The following KRT5 variants were observed in gnomAD, a reference collection of about 807,000 sequenced individuals.
The protein encoded by KRT5 is keratin 5.
Under a neutral mutation model 44.0 loss-of-function variants are expected in KRT5, and 17 were observed. The observed-to-expected ratio is 0.39, with a 90% CI of 0.26 to 0.58. KRT5 has a LOEUF of 0.58. Ranked by LOEUF, KRT5 falls within the 20% of genes least tolerant of loss-of-function variation. The pLI is 0.61. For synonymous variants in KRT5, 329 were observed against 312.8 expected (o/e 1.05, Z -0.55); for missense variants, 737 against 785.5 (o/e 0.94, Z 0.74).
Position 52,520,081 on chromosome 12 carries a change from C to T in KRT5, c.216G>A (p.Lys72=), listed in dbSNP as rs141631999. The T allele has an allele frequency of 3.8e-5, 62 of 1,614,164 alleles. No homozygotes were observed. In the African/African-American group the frequency reaches 7.5e-4, roughly 19 times the overall value. The change falls in exon 1 of 9, where the codon AAG becomes AAA. Residue 72 remains lysine (K), a synonymous_variant. Transcript: ENST00000252242. ...SRSLYNLGGS[K]RISISTSGGS... Reference sequence around the variant, plus strand: ...CACCACTAGTGCTGATGGATATCCTCTTGGAGCCCCCCAGGTTGTAGAGGC... The same window carrying T: ...CACCACTAGTGCTGATGGATATCCTTTTGGAGCCCCCCAGGTTGTAGAGGC...
At chr12:52,515,519 G>A (rs1319904545) in intron 8 of KRT5, 33 of 620,510 alleles carry the variant, frequency 5.3e-5, no homozygotes, top group Non-Finnish European at 9.1e-5. Context: ...GGAGGAGCTA[G>A]GTACTGGGGG....
rs1938645550 is a variant in KRT5, at chr12:52,518,138, T to C, written c.796A>G (p.Thr266Ala). The C allele has an allele frequency of 6.2e-7, 1 of 1,614,244 alleles. No homozygotes were observed. Among genetic ancestry groups the C allele is most frequent in the Non-Finnish European group, 8.5e-7 (1 of 1,180,038 alleles). ...NKYEDEINKRTTAENEFVMLK... is the reference protein window; with the variant it reads ...NKYEDEINKRATAENEFVMLK... ...ATCACAAACTCATTCTCAGCAGTGG[T>C]ACGCTTGTTGATTTCATCCTCATAC... Residue 266 changes from threonine to alanine, a missense_variant, in exon 3 of 9, where the codon ACC becomes GCC. Coordinates refer to ENST00000252242, the MANE Select transcript of KRT5 (RefSeq NM_000424.4).
At position 52,514,979 on chromosome 12, in the gene KRT5, G is replaced by T. The variant is rs781707438; in HGVS notation, c.1736C>A (p.Ser579Tyr). 76 of 1,613,408 alleles carry T rather than the reference G, an allele frequency of 4.7e-5. No homozygotes were observed. Among genetic ancestry groups the T allele is most frequent in the Non-Finnish European group, 5.7e-5 (67 of 1,179,962 alleles). Residue 579 changes from serine (S) to tyrosine (Y), a missense_variant, in exon 9 of 9, where the codon TCC becomes TAC. Ser to Tyr is a moderately radical substitution (Grantham distance 144). Around this residue, in one of 5 missense-constraint regions of KRT5, gnomAD observed 344 missense variants for 351.6 expected, o/e 0.98. Coordinates refer to ENST00000252242, the MANE Select transcript of KRT5 (RefSeq NM_000424.4). Reference sequence around the variant, plus strand: ...GCTCTTCCGGGAGGAGGAGGTGGTGGAGACAAATTTGACGCTGGAGCTGCT... The same window carrying T: ...GCTCTTCCGGGAGGAGGAGGTGGTGTAGACAAATTTGACGCTGGAGCTGCT... ...GGSSSSVKFV[S>Y]TTSSSRKSFK...
intron 6 of KRT5, 106 bp from the exon 7 acceptor site, chr12:52,516,963 AG>A (rs1938621565): frequency 6.6e-7 from 1 of 1,514,322 alleles, no homozygotes. Context: ...GAGAGAAACC[AG>A]TACATCGTGG....
Position 52,517,111 on chromosome 12 carries a change from T to G in KRT5, c.1214A>C (p.Lys405Thr). The G allele has an allele frequency of 6.2e-7, 1 of 1,614,184 alleles. No individual in the cohort carries two copies. Among genetic ancestry groups the G allele is most frequent in the Non-Finnish European group, 8.5e-7 (1 of 1,180,028 alleles). ...RLRAEIDNVK[K>T]QCANLQNAIA... The stretch of plus-strand genomic sequence containing the variant: ...CCTCTTTCAATCTCACCCTACCTGT[T>G]TCTTGACATTGTCAATCTCGGCTCT... Residue 405 changes from lysine (K) to threonine (T), a missense_variant, in exon 6 of 9, where the codon AAA becomes ACA. Around this residue, in one of 5 missense-constraint regions of KRT5, gnomAD observed 344 missense variants for 351.6 expected, o/e 0.98. Coordinates refer to ENST00000252242, the MANE Select transcript of KRT5 (RefSeq NM_000424.4).
rs1428574260 is a variant in KRT5 at position 52,519,820 on chromosome 12, G to A, written c.477C>T (p.Pro159=). ...CCTCGGTCCTCACCCTCTGGATGCT[G>A]GGGTCGATTTGCAGGTTGAGGGGAG... is the stretch of plus-strand genomic sequence containing the variant. The part of the protein sequence containing the change: ...LLTPLNLQID[P]SIQRVRTEER... The change falls in exon 1 of 9, where the codon CCC becomes CCT. Residue 159 remains proline, a synonymous_variant. Coordinates refer to ENST00000252242, the MANE Select transcript of KRT5 (RefSeq NM_000424.4). 1 of 1,614,000 alleles carries A rather than the reference G, an allele frequency of 6.2e-7. No individual in the cohort carries two copies.
At chr12:52,517,871 G>A (rs745954253) in intron 4 of KRT5, 26 bp downstream of exon 4, 2 of 1,611,548 alleles carry the variant, frequency 1.2e-6, no homozygotes, top group Admixed American at 1.7e-5. Context: ...ACCCACCCAT[G>A]TGAAAAATTT....
chr12:52,517,923 T>G lies in KRT5; in HGVS notation c.901A>C (p.Asn301His), dbSNP rs1938640819. Residue 301 changes from asparagine (N) to histidine (H), a missense_variant, in exon 4 of 9, where the codon AAC becomes CAC. Physicochemically the swap from Asn to His is moderately conservative, Grantham distance 68. This residue lies in a region of KRT5 where 59 missense variants were observed against 62.5 expected (regional missense o/e 0.94). Transcript: ENST00000252242. ...GCATCAAAGAACATCTTCATGAAGTTAATCTCATCCATCAGTGCATCAACC... is the reference window on the plus strand; with the variant it reads ...GCATCAAAGAACATCTTCATGAAGTGAATCTCATCCATCAGTGCATCAACC... ...AKVDALMDEI[N>H]FMKMFFDAEL... The G allele has an allele frequency of 6.2e-7, 1 of 1,614,104 alleles. No homozygotes were observed. The highest frequency in any genetic ancestry group is 1.7e-5 in the Admixed American group (1 of 60,004).
chr12:52,516,711 C>T lies in KRT5; in HGVS notation c.1365G>A (p.Glu455=), dbSNP rs1271144622. The change falls in exon 7 of 9, where the codon GAG becomes GAA. Residue 455 remains glutamate (E), a synonymous_variant. Coordinates refer to ENST00000252242, the MANE Select transcript of KRT5 (RefSeq NM_000424.4). ...DMARLLREYQ[E]LMNTKLALDV... ...CCAGGGCCAGCTTGGTGTTCATGAG[C>T]TCCTGGTACTCACGCAGCAGCCGGG... 2 of 1,614,066 alleles carry T rather than the reference C, an allele frequency of 1.2e-6. No individual in the cohort carries two copies. Among genetic ancestry groups the T allele is most frequent in the Non-Finnish European group, 1.7e-6 (2 of 1,180,058 alleles).
chr12:52,514,810 TG>T lies in KRT5; in HGVS notation c.*131del. 1.3e-6 allele frequency: 1 copy of T among 765,296 alleles called. No individual in the cohort carries two copies. The highest frequency in any genetic ancestry group is 2.2e-6 in the Non-Finnish European group (1 of 452,342). The allele number at this position is 765,296 out of a possible 1,614,324, so 47.4% of individuals were successfully genotyped here. A position where few individuals can be genotyped will look rare whatever the true frequency, so the allele number is the denominator to read the frequency against. ...GGGCTCTCCTGGGAACCAAAGAATG[TG>T]GTTCTGCAATTGGCTTGGTCTAGAC... On this transcript the variant is annotated 3_prime_UTR_variant, in exon 9 of 9. Transcript: ENST00000252242.
At position 52,520,026 on chromosome 12, in the gene KRT5, C is replaced by T. The variant is rs142778320; in HGVS notation, c.271G>A (p.Ala91Thr). ...CCTCCAAAGCCATAGCCGCCTCCAG[C>T]ACCAGCACCAAACCGGTTCCTGAAG... ...GSFRNRFGAG[A>T]GGGYGFGGGA... is the part of the protein sequence containing the mutation. The change falls in exon 1 of 9, where the codon GCT (alanine) becomes ACT (threonine). Residue 91 changes from alanine (A) to threonine (T), a missense_variant. Coordinates refer to ENST00000252242, the MANE Select transcript of KRT5 (RefSeq NM_000424.4). 74 of 1,614,006 alleles carry T rather than the reference C, an allele frequency of 4.6e-5. No individual in the cohort carries two copies. Among genetic ancestry groups the T allele is most frequent in the Non-Finnish European group, 6.1e-5 (72 of 1,180,020 alleles).
In KRT5 at chr12:52,515,133, T is replaced by A; in HGVS notation, c.1582A>T (p.Ser528Cys). 1.2e-6 allele frequency: 2 copies of A among 1,610,620 alleles called. No individual in the cohort carries two copies. The highest frequency in any genetic ancestry group is 1.7e-6 in the Non-Finnish European group (2 of 1,178,608). The change falls in exon 9 of 9, where the codon AGC becomes TGC. Residue 528 changes from serine (S) to cysteine (C), a missense_variant. Transcript: ENST00000252242. ...CTGCTGGAGTAGTAGCTTCCACTGCTACCTCCGGCAAGACCTCCACCGAGG... is the reference window on the plus strand; with the variant it reads ...CTGCTGGAGTAGTAGCTTCCACTGCAACCTCCGGCAAGACCTCCACCGAGG... ...GGLGGGLAGGSSGSYYSSSSG... is the reference protein window; with the variant it reads ...GGLGGGLAGGCSGSYYSSSSG...
rs182482982 is a variant in KRT5 at position 52,515,039 on chromosome 12, C to G, written c.1676G>C (p.Arg559Pro). ...GGSGFSASSG[R>P]GLGVGFGSGG... ...ACTGCCAAAGCCCACCCCCAGCCCT[C>G]GGCCACTGCTTGCACTGAAGCCAGA... The change falls in exon 9 of 9, where the codon CGA becomes CCA. Residue 559 changes from arginine (R) to proline (P), a missense_variant. Arg to Pro is a moderately radical substitution (Grantham distance 103, BLOSUM62 -2). Transcript: ENST00000252242. The G allele has an allele frequency of 6.2e-7, 1 of 1,612,280 alleles. No individual in the cohort carries two copies. Among genetic ancestry groups the G allele is most frequent in the African/African-American group, 1.3e-5 (1 of 74,392 alleles).
intron 8 of KRT5, 112 bp from the exon 9 acceptor site, chr12:52,515,352 GT>G: frequency 6.8e-7 from 1 of 1,469,922 alleles, no homozygotes; most frequent in Non-Finnish European, 9.4e-7. Context: ...CCTTTACAGA[GT>G]AGCAAACAAG....
Position 52,515,033 on chromosome 12 carries a change from A to G in KRT5, c.1682T>C (p.Leu561Pro). ...CCCGCCACTGCCAAAGCCCACCCCC[A>G]GCCCTCGGCCACTGCTTGCACTGAA... ...SGFSASSGRG[L>P]GVGFGSGGGS... The change falls in exon 9 of 9, where the codon CTG becomes CCG. Residue 561 changes from leucine (L) to proline (P), a missense_variant. Physicochemically the swap from Leu to Pro is moderately conservative, Grantham distance 98 (BLOSUM62 -3). Around this residue, in one of 5 missense-constraint regions of KRT5, gnomAD observed 344 missense variants for 351.6 expected, o/e 0.98. Coordinates refer to ENST00000252242, the MANE Select transcript of KRT5 (RefSeq NM_000424.4). The G allele has an allele frequency of 2.2e-6, 2 of 918,970 alleles. No homozygotes were observed. Among genetic ancestry groups the G allele is most frequent in the Non-Finnish European group, 3.0e-6 (2 of 668,256 alleles). 56.9% of individuals were successfully genotyped at this position (918,970 alleles called of 1,614,324 possible). A position where few individuals can be genotyped will look rare whatever the true frequency, so the allele number is the denominator to read the frequency against.
chr12:52,519,730 A>T lies in KRT5; in HGVS notation c.555+12T>A. The T allele has an allele frequency of 6.2e-7, 1 of 1,612,666 alleles. No homozygotes were observed. The highest frequency in any genetic ancestry group is 8.5e-7 in the Non-Finnish European group (1 of 1,178,802). On this transcript the variant is annotated intron_variant, in intron 1 of 8. Transcript: ENST00000252242. ...GACCCACAGTGATTTTTTACAAAAGATCGTAGCTCACCTTGTCGATGAAGG... is the reference window on the plus strand; with the variant it reads ...GACCCACAGTGATTTTTTACAAAAGTTCGTAGCTCACCTTGTCGATGAAGG...
chr12:52,517,442 G>A (rs1938628538), intron 5 of KRT5, 148 bp downstream of exon 5: 1 of 1,053,752 alleles, frequency 9.5e-7, no homozygotes, highest in Non-Finnish European at 1.5e-6. Flanking sequence ...CTTGGGTTTA[G>A]ATGGAAATTG....
chr12:52,517,270 T>C, intron 5 of KRT5, 38 bp from the exon 6 acceptor site: 2 of 1,613,146 alleles, frequency 1.2e-6, no homozygotes, highest in South Asian at 1.1e-5. Flanking sequence ...TCTGTTTATA[T>C]GAGAATGGGA....
intron 1 of KRT5, chr12:52,519,499 T>G: frequency 1.6e-6 from 1 of 626,796 alleles, no homozygotes; most frequent in Non-Finnish European, 2.8e-6. Context: ...TTCATCTCTC[T>G]GTCCAACAGT....
Sources: allele counts gnomAD v4.1 joint callset, GRCh38; gene constraint gnomAD v4.1.1; regional missense constraint gnomAD v4.1.1; transcripts MANE v1.5; gene names NCBI Gene and HGNC (gene_info 2026-07-23, HGNC 2026-07-21).